The following GRIP1 variants were observed in gnomAD, a reference collection of about 807,000 sequenced individuals.
The protein encoded by GRIP1 is glutamate receptor-interacting protein 1.
Under a neutral mutation model 129.9 loss-of-function variants are expected in GRIP1, and 45 were observed. The ratio of observed to expected loss-of-function variants is 0.35; its 90% CI spans 0.27 to 0.44. The LOEUF (loss-of-function observed/expected upper bound fraction) is 0.44. Ranked by LOEUF, GRIP1 falls within the 20% of genes least tolerant of loss-of-function variation. GRIP1 has a pLI of 1.00. For synonymous variants in GRIP1, 530 were observed against 520.8 expected, an observed-to-expected ratio of 1.02 and a Z score of -0.24; for missense variants, 1,196 against 1,396.8, an observed-to-expected ratio of 0.86 and a Z score of 2.29.
At position 66,479,671 on chromosome 12, in the gene GRIP1, A is replaced by G. The variant is rs137985629; in HGVS notation, c.725-14249T>C. On this transcript the variant is annotated intron_variant, in intron 7 of 24. Transcript: ENST00000359742. ...ATGAACATCAATATGAAAATCCTCA[A>G]TAAAACTCTGACAAACTTAATACAG... 3.8e-3 allele frequency among the ~76,000 whole-genome samples: 580 copies of G among 152,314 alleles called. 7 individuals are homozygous for G. Among genetic ancestry groups the G allele is most frequent in the African/African-American group, 0.013 (528 of 41,572 alleles).
chr12:66,784,992 C>G (rs895083660), intron 1 of GRIP1, among the ~76,000 whole-genome samples: 1 of 152,078 alleles, frequency 6.6e-6, no homozygotes, highest in African/African-American at 2.4e-5. Context: ...CACTACCTTC[C>G]GTGTTCTGGC....
intron 1 of GRIP1, among the ~76,000 whole-genome samples, chr12:66,849,497 C>T (rs1452829744): frequency 6.6e-6 from 1 of 152,030 alleles, no homozygotes. Context: ...TTCCTGTAAT[C>T]CAACCTACTC....
Position 66,419,029 on chromosome 12 carries a change from T to C in GRIP1, c.1838+1691A>G, listed in dbSNP as rs891776005. On this transcript the variant is annotated intron_variant, in intron 15 of 24. Transcript: ENST00000359742. ...GCAGCACTGTTCACAATAGCCAAGA[T>C]TTGCAAGCAACATAAGTGTCCACTG... is the stretch of plus-strand genomic sequence containing the variant. Among the ~76,000 whole-genome samples, 10 of 152,240 alleles carry C rather than the reference T, an allele frequency of 6.6e-5. No homozygotes were observed. The East Asian group carries it at 1.9e-3, about 29-fold the overall frequency.
intron 1 of GRIP1, among the ~76,000 whole-genome samples, chr12:66,843,108 A>G (rs982183537): frequency 6.6e-6 from 1 of 152,084 alleles, no homozygotes; most frequent in Non-Finnish European, 1.5e-5. Flanking sequence ...TAGCAAAAAG[A>G]CTGAAGATCA....
At chr12:66,571,878 A>G (rs552772604) in intron 2 of GRIP1, among the ~76,000 whole-genome samples, 1 of 152,326 alleles carries the variant, frequency 6.6e-6, no homozygotes, top group African/African-American at 2.4e-5. Context: ...AGGTATGGGC[A>G]TGGCAGAGGG....
chr12:66,667,908 T>C (rs2033882848), intron 1 of GRIP1, among the ~76,000 whole-genome samples: 1 of 152,192 alleles, frequency 6.6e-6, no homozygotes, highest in African/African-American at 2.4e-5. Context: ...CTGTCTGTGG[T>C]TCCATGGCCA....
At chr12:66,405,567 G>A (rs2057161884) in intron 16 of GRIP1, among the ~76,000 whole-genome samples, 1 of 152,166 alleles carries the variant, frequency 6.6e-6, no homozygotes, top group Non-Finnish European at 1.5e-5. Context: ...GTTTTAACAA[G>A]CTCTTCAGAT....
At chr12:66,742,329 C>T (rs562718372) in intron 1 of GRIP1, among the ~76,000 whole-genome samples, 9 of 152,180 alleles carry the variant, frequency 5.9e-5, no homozygotes, top group East Asian at 3.9e-4. Flanking sequence ...CTTAGGAAAA[C>T]GGAGAGAAAC....
chr12:66,392,744 A>G lies in GRIP1; in HGVS notation c.2202T>C (p.Ser734=), dbSNP rs1478836411. ...NSSSLKGKPL[S]EAIHLLQMAG... ...CCATCTGTAACAAATGGATGGCTTC[A>G]CTCAGAGGCTTCCCTTTCAAGCTGC... is the stretch of plus-strand genomic sequence containing the variant. The change falls in exon 18 of 25, where the codon AGT becomes AGC. Residue 734 remains serine, a synonymous_variant. Coordinates refer to ENST00000359742, the MANE Select transcript of GRIP1 (RefSeq NM_001366722.1). The G allele has an allele frequency of 2.5e-6, 4 of 1,613,884 alleles. No individual in the cohort carries two copies. The highest frequency in any genetic ancestry group is 3.4e-6 in the Non-Finnish European group (4 of 1,179,760).
At chr12:66,960,247 G>A (rs532566738) in intron 1 of GRIP1, among the ~76,000 whole-genome samples, 1 of 152,206 alleles carries the variant, frequency 6.6e-6, no homozygotes, top group South Asian at 2.1e-4. Flanking sequence ...TTTAGGGTGG[G>A]GCTCACCAGT....
At chr12:66,910,587 CAGGCCCTTCCTATTT>C (rs2041012776) in intron 1 of GRIP1, among the ~76,000 whole-genome samples, 2 of 152,010 alleles carry the variant, frequency 1.3e-5, no homozygotes, top group Non-Finnish European at 2.9e-5. Flanking sequence ...AACATAACCA[CAGGCCCTTCCTATTT>C]AGCACACCTT....
At chr12:66,647,328 C>T (rs532759676) in intron 1 of GRIP1, 5 of 152,128 alleles carry the variant, frequency 3.3e-5, no homozygotes, top group Non-Finnish European at 7.3e-5. Flanking sequence ...CTTTTTCAGC[C>T]CTTTGAAATT....
chr12:67,033,179 T>C (rs1223160558), intron 1 of GRIP1, among the ~76,000 whole-genome samples: 1 of 151,638 alleles, frequency 6.6e-6, no homozygotes, highest in Non-Finnish European at 1.5e-5. Context: ...CCTAGCTATA[T>C]ATAATCAAAC....
chr12:67,056,687 GC>G (rs2135870908), intron 1 of GRIP1, among the ~76,000 whole-genome samples: 1 of 152,268 alleles, frequency 6.6e-6, no homozygotes, highest in Non-Finnish European at 1.5e-5. Context: ...TTTAAAACCA[GC>G]CCATCATCAT....
intron 1 of GRIP1, among the ~76,000 whole-genome samples, chr12:66,721,720 T>C (rs528452050): frequency 5.6e-4 from 85 of 152,338 alleles, no homozygotes; most frequent in South Asian, 1.9e-3. Context: ...GTCTTCTTCT[T>C]CTGATATAAG....
intron 22 of GRIP1, among the ~76,000 whole-genome samples, chr12:66,373,081 TTTA>T (rs2055604120): frequency 6.6e-6 from 1 of 152,080 alleles, no homozygotes; most frequent in South Asian, 2.1e-4. Flanking sequence ...TCTCAATTTA[TTTA>T]TTTATTTATT....
At chr12:66,667,515 A>C (rs1398013342) in intron 1 of GRIP1, among the ~76,000 whole-genome samples, 4 of 152,232 alleles carry the variant, frequency 2.6e-5, no homozygotes, top group Non-Finnish European at 5.9e-5. Flanking sequence ...ATAAAGAACT[A>C]GGTTGCCTAA....
At chr12:67,058,718 C>A (rs889729486) in intron 1 of GRIP1, among the ~76,000 whole-genome samples, 1 of 152,202 alleles carries the variant, frequency 6.6e-6, no homozygotes, top group Non-Finnish European at 1.5e-5. Context: ...AGCTGTTTAA[C>A]CATTTCTATT....
chr12:66,829,192 A>G (rs994999288), intron 1 of GRIP1, among the ~76,000 whole-genome samples: 1 of 152,176 alleles, frequency 6.6e-6, no homozygotes, highest in Admixed American at 6.5e-5. Context: ...AATCACACAT[A>G]TTCTTGTGAG....
Sources: allele counts gnomAD v4.1 joint callset (sites outside exome capture counted in the v4.1 genomes callset), GRCh38; gene constraint gnomAD v4.1.1; transcripts MANE v1.5; gene names NCBI Gene and HGNC (gene_info 2026-07-23, HGNC 2026-07-21).